The following GPR39 variants were observed in gnomAD, a reference collection of about 807,000 sequenced individuals.
GPR39 encodes zinc sensing receptor.
GPR39 carries 23 observed loss-of-function variants against 18.4 expected under a neutral mutation model. The observed-to-expected ratio is 1.25, with a 90% CI of 0.90 to 1.77. GPR39 has a LOEUF of 1.77. GPR39 is among the 40% of genes most tolerant of loss of function. The pLI, the probability that GPR39 is intolerant of heterozygous loss-of-function variation, is 0.00. For missense variants in GPR39, 647 were observed against 602.4 expected, an observed-to-expected ratio of 1.07 and a Z score of -0.78; for synonymous variants, 280 against 257.9, an observed-to-expected ratio of 1.09 and a Z score of -0.82.
At chr2:132,607,014 T>C (rs1401621220) in intron 1 of GPR39, among the ~76,000 whole-genome samples, 1 of 152,200 alleles carries the variant, frequency 6.6e-6, no homozygotes, top group East Asian at 1.9e-4. Context: ...CTGATCTTGA[T>C]ATATATTTTC....
chr2:132,612,855 T>C (rs1388596192), intron 1 of GPR39, among the ~76,000 whole-genome samples: 1 of 152,220 alleles, frequency 6.6e-6, no homozygotes, highest in South Asian at 2.1e-4. Context: ...CTACAAAATA[T>C]GTGCTAGGAT....
intron 1 of GPR39, among the ~76,000 whole-genome samples, chr2:132,528,949 A>G (rs1361250373): frequency 5.3e-5 from 8 of 152,152 alleles, no homozygotes; most frequent in Non-Finnish European, 5.9e-5. Context: ...AGCGATGCAG[A>G]AGACAGGTGA....
intron 1 of GPR39, among the ~76,000 whole-genome samples, chr2:132,635,809 T>C (rs938395139): frequency 6.6e-6 from 1 of 151,920 alleles, no homozygotes; most frequent in Non-Finnish European, 1.5e-5. Context: ...GTCATAAGGG[T>C]GGGACTCTGA....
At chr2:132,469,030 A>G (rs1358531154) in intron 1 of GPR39, among the ~76,000 whole-genome samples, 1 of 152,232 alleles carries the variant, frequency 6.6e-6, no homozygotes, top group Non-Finnish European at 1.5e-5. Flanking sequence ...AATCAAGGGC[A>G]GGAGTCAGCC....
intron 1 of GPR39, among the ~76,000 whole-genome samples, chr2:132,510,332 C>T (rs910932341): frequency 4.6e-5 from 7 of 152,138 alleles, no homozygotes; most frequent in African/African-American, 1.4e-4. Flanking sequence ...GTAATTTGAG[C>T]CAGTCTCCCC....
At chr2:132,555,552 A>G (rs181539364) in intron 1 of GPR39, among the ~76,000 whole-genome samples, 1 of 152,238 alleles carries the variant, frequency 6.6e-6, no homozygotes, top group Non-Finnish European at 1.5e-5. Flanking sequence ...TCTTCATACT[A>G]TGGTGGCTGG....
chr2:132,493,456 CAT>C (rs796146987), intron 1 of GPR39, among the ~76,000 whole-genome samples: 3 of 141,022 alleles, frequency 2.1e-5, no homozygotes, highest in East Asian at 2.1e-4. Flanking sequence ...ATATACACAC[CAT>C]ATATATATAC....
chr2:132,604,759 TA>T (rs1309178626), intron 1 of GPR39: 2 of 152,278 alleles, frequency 1.3e-5, no homozygotes, highest in African/African-American at 2.4e-5. Flanking sequence ...TGCAGACAAA[TA>T]GGAGTTTGCT....
At chr2:132,425,273 G>C (rs1360703441) in intron 1 of GPR39, among the ~76,000 whole-genome samples, 1 of 152,114 alleles carries the variant, frequency 6.6e-6, no homozygotes, top group Non-Finnish European at 1.5e-5. Context: ...TCTCAGAAGG[G>C]GGCACAGATG....
At chr2:132,586,739 C>T (rs1680738143) in intron 1 of GPR39, among the ~76,000 whole-genome samples, 2 of 152,216 alleles carry the variant, frequency 1.3e-5, no homozygotes, top group Admixed American at 1.3e-4. Context: ...GCGTGGTGCA[C>T]AGTTTGCTGG....
chr2:132,450,780 C>A (rs1269708343), intron 1 of GPR39, among the ~76,000 whole-genome samples: 1 of 152,232 alleles, frequency 6.6e-6, no homozygotes, highest in African/African-American at 2.4e-5. Context: ...CAACAGCTCA[C>A]CATTTCCTTT....
chr2:132,645,687 A>G lies in GPR39; in HGVS notation c.*81A>G. ...CACTCTCACTCTGCAGTCTCAAACT[A>G]TGCCCCCATCAGGGATGGAATGGAC... On this transcript the variant is annotated 3_prime_UTR_variant, in exon 2 of 2. Transcript: ENST00000329321. 3 of 1,519,430 alleles carry G rather than the reference A, an allele frequency of 2.0e-6. No homozygotes were observed. The highest frequency in any genetic ancestry group is 1.8e-6 in the Non-Finnish European group (2 of 1,133,050). The allele number at this position is 1,519,430 out of a possible 1,614,324, so 94.1% of individuals were successfully genotyped here.
In GPR39 at chr2:132,646,419, C is replaced by T. The variant is rs796641821; in HGVS notation, c.*813C>T. 2.7e-5 allele frequency: 12 copies of T among 448,652 alleles called. No homozygotes were observed. Among genetic ancestry groups the T allele is most frequent in the African/African-American group, 1.2e-4 (6 of 49,476 alleles). 27.8% of individuals were successfully genotyped at this position (448,652 alleles called of 1,614,324 possible). Reference sequence around the variant, plus strand: ...ACTAGGTGAGGTCAGGGAAGTGCTTCGGATTGTCTCATTGATATTCAAGAT... The same window carrying T: ...ACTAGGTGAGGTCAGGGAAGTGCTTTGGATTGTCTCATTGATATTCAAGAT... On this transcript the variant is annotated 3_prime_UTR_variant, in exon 2 of 2. Transcript: ENST00000329321.
chr2:132,611,092 A>G (rs1030569962), intron 1 of GPR39, among the ~76,000 whole-genome samples: 35 of 152,164 alleles, frequency 2.3e-4, no homozygotes, highest in African/African-American at 7.7e-4. Flanking sequence ...ACTGTGCACA[A>G]TCTGCAGAAT....
chr2:132,643,373 G>T (rs1419078712), intron 1 of GPR39, among the ~76,000 whole-genome samples: 5 of 152,170 alleles, frequency 3.3e-5, no homozygotes, highest in African/African-American at 1.2e-4. Context: ...GAGTTTCCAA[G>T]GCCTTCCTTG....
intron 1 of GPR39, among the ~76,000 whole-genome samples, chr2:132,566,368 G>C (rs1171489489): frequency 6.6e-6 from 1 of 151,074 alleles, no homozygotes; most frequent in Non-Finnish European, 1.5e-5. Flanking sequence ...TCACTCTGAT[G>C]GTAGTTTCTT....
chr2:132,646,233 C>T lies in GPR39; in HGVS notation c.*627C>T. The T allele has an allele frequency of 3.8e-6, 6 of 1,585,338 alleles. No homozygotes were observed. The highest frequency in any genetic ancestry group is 5.2e-6 in the Non-Finnish European group (6 of 1,163,208). On this transcript the variant is annotated 3_prime_UTR_variant, in exon 2 of 2. Coordinates refer to ENST00000329321, the MANE Select transcript of GPR39 (RefSeq NM_001508.3). ...CAGAAGGACTGGTACCCGGCAGAGG[C>T]GATGAGACAGGCCGCTGATGATGCA...
chr2:132,433,166 A>G (rs1680252791), intron 1 of GPR39, among the ~76,000 whole-genome samples: 1 of 152,226 alleles, frequency 6.6e-6, no homozygotes, highest in Admixed American at 6.5e-5. Flanking sequence ...CATAAAATAT[A>G]CACAAATCTT....
chr2:132,541,214 G>A (rs1406495952), intron 1 of GPR39, among the ~76,000 whole-genome samples: 1 of 152,078 alleles, frequency 6.6e-6, no homozygotes, highest in Non-Finnish European at 1.5e-5. Flanking sequence ...CTCCCCAGTA[G>A]CCGAAATTAT....
Sources: gnomAD v4.1 joint callset for allele counts (sites outside exome capture counted in the v4.1 genomes callset) on GRCh38, gnomAD v4.1.1 for gene constraint, MANE v1.5 for transcripts, NCBI Gene and HGNC (gene_info 2026-07-23, HGNC 2026-07-21) for gene names.